GRM7: variants seen among roughly 807,000 people sequenced by gnomAD.
The protein encoded by GRM7 is glutamate metabotropic receptor 7, also known as metabotropic glutamate receptor 7.
GRM7 carries 35 observed loss-of-function variants against 84.5 expected under a neutral mutation model. That is an observed-to-expected ratio of 0.41 (90% CI 0.32 to 0.55). The LOEUF is 0.55. Among genes scored for constraint, GRM7 ranks in the 20% least tolerant of loss-of-function variants. The pLI is 0.19. For missense variants in GRM7, 1,003 were observed against 1,194.6 expected (o/e 0.84, Z 2.36); for synonymous variants, 487 against 455.1 (o/e 1.07, Z -0.89).
chr3:6,903,891 T>C lies in GRM7; in HGVS notation c.519+41984T>C, dbSNP rs369275026. 8.5e-4 allele frequency among the ~76,000 whole-genome samples: 130 copies of C among 152,340 alleles called. 2 individuals carry two copies. The highest frequency in any genetic ancestry group is 2.9e-3 in the African/African-American group (122 of 41,598). On this transcript the variant is annotated intron_variant, in intron 1 of 9. Coordinates refer to ENST00000357716, the MANE Select transcript of GRM7 (RefSeq NM_000844.4). The stretch of plus-strand genomic sequence containing the variant: ...ATGCTAATGAGGTTGAGTCTTCATA[T>C]ACAATATTGCCATTTCTATTTTCCC...
At chr3:7,182,256 G>A (rs13097942) in intron 2 of GRM7, among the ~76,000 whole-genome samples, 42,830 of 151,904 alleles carry the variant, frequency 0.28, 6,432 homozygotes, top group Non-Finnish European at 0.34. Context: ...GTATCCTAAT[G>A]TCTTTTAACC....
intron 6 of GRM7, 44 bp from the exon 7 acceptor site, chr3:7,461,539 T>A: frequency 6.5e-7 from 1 of 1,533,772 alleles, no homozygotes; most frequent in Non-Finnish European, 9.0e-7. Context: ...ATATAAGGAA[T>A]CTTGTTTAAC....
chr3:6,927,469 GAAAGAA>G (rs1559333312), intron 1 of GRM7, among the ~76,000 whole-genome samples: 1,066 of 70,644 alleles, frequency 0.015, 20 homozygotes, highest in South Asian at 0.025. Flanking sequence ...GAGAGAGAAA[GAAAGAA>G]AGAAAGAAAG....
intron 1 of GRM7, among the ~76,000 whole-genome samples, chr3:6,896,266 C>G (rs1248388802): frequency 6.6e-6 from 1 of 152,108 alleles, no homozygotes; most frequent in African/African-American, 2.4e-5. Flanking sequence ...AAAGTTTCTT[C>G]TGGTAAAAAG....
intron 4 of GRM7, among the ~76,000 whole-genome samples, chr3:7,361,250 T>C (rs1693650808): frequency 6.6e-6 from 1 of 152,116 alleles, no homozygotes; most frequent in South Asian, 2.1e-4. Context: ...ATTTTTAACG[T>C]GGAAAGTACC....
At chr3:7,647,154 G>C (rs961043678) in intron 8 of GRM7, among the ~76,000 whole-genome samples, 4 of 152,166 alleles carry the variant, frequency 2.6e-5, no homozygotes, top group Non-Finnish European at 4.4e-5. Flanking sequence ...TGTGGGTGTG[G>C]ACCCTCAGCC....
intron 8 of GRM7, among the ~76,000 whole-genome samples, chr3:7,604,477 CT>C (rs1201842474): frequency 6.6e-6 from 1 of 152,148 alleles, no homozygotes; most frequent in Non-Finnish European, 1.5e-5. Flanking sequence ...AAATTTCTCC[CT>C]TCTCAAGGTT....
At chr3:6,918,755 A>T (rs1205151396) in intron 1 of GRM7, among the ~76,000 whole-genome samples, 1 of 152,116 alleles carries the variant, frequency 6.6e-6, no homozygotes, top group Admixed American at 6.6e-5. Context: ...AAAGGCTCAG[A>T]TAATAGGAGA....
At chr3:7,115,517 C>G (rs942281044) in intron 1 of GRM7, among the ~76,000 whole-genome samples, 2 of 152,126 alleles carry the variant, frequency 1.3e-5, no homozygotes, top group Non-Finnish European at 1.5e-5. Flanking sequence ...GGAATATTGA[C>G]AAGAGCCTTT....
At chr3:6,947,363 T>A (rs1195022085) in intron 1 of GRM7, among the ~76,000 whole-genome samples, 1 of 152,196 alleles carries the variant, frequency 6.6e-6, no homozygotes, top group Non-Finnish European at 1.5e-5. Flanking sequence ...GTTTATTGAT[T>A]TTCATACGTT....
chr3:7,573,112 C>T (rs1315872313), intron 7 of GRM7, among the ~76,000 whole-genome samples: 1 of 151,534 alleles, frequency 6.6e-6, no homozygotes, highest in Non-Finnish European at 1.5e-5. Flanking sequence ...GCTAGCTCCT[C>T]TACCTCACCC....
chr3:7,452,991 TG>T (rs1369978794), intron 6 of GRM7, among the ~76,000 whole-genome samples, 184 bp downstream of exon 6: 1 of 151,594 alleles, frequency 6.6e-6, no homozygotes, highest in Non-Finnish European at 1.5e-5. Flanking sequence ...AAGATATATT[TG>T]GGGGTTATGG....
chr3:7,110,575 A>G (rs1692810917), intron 1 of GRM7, among the ~76,000 whole-genome samples: 1 of 148,152 alleles, frequency 6.7e-6, no homozygotes, highest in Non-Finnish European at 1.5e-5. Flanking sequence ...AACCTGGGCA[A>G]GAGAGCGATA....
chr3:7,690,372 A>G (rs1700754663), intron 9 of GRM7, among the ~76,000 whole-genome samples: 1 of 152,182 alleles, frequency 6.6e-6, no homozygotes. Context: ...AACATTTATA[A>G]GTGAATATTT....
intron 1 of GRM7, among the ~76,000 whole-genome samples, chr3:7,134,122 G>T (rs561165502): frequency 6.6e-6 from 1 of 152,048 alleles, no homozygotes; most frequent in Non-Finnish European, 1.5e-5. Context: ...CATTTTGTAG[G>T]TATTTCATCT....
intron 1 of GRM7, among the ~76,000 whole-genome samples, chr3:6,897,908 G>T (rs942714670): frequency 6.6e-6 from 1 of 152,176 alleles, no homozygotes; most frequent in African/African-American, 2.4e-5. Flanking sequence ...GAGAGTGGGG[G>T]CCTCCCCATA....
At chr3:7,602,080 CAAAAAAAAAA>C (rs562646639) in intron 8 of GRM7, among the ~76,000 whole-genome samples, 3 of 93,798 alleles carry the variant, frequency 3.2e-5, no homozygotes, top group African/African-American at 1.2e-4. Context: ...ATTACCAGGA[CAAAAAAAAAA>C]AAAAAAAAAA....
chr3:7,443,866 G>A (rs1370740115), intron 5 of GRM7, among the ~76,000 whole-genome samples: 1 of 152,138 alleles, frequency 6.6e-6, no homozygotes, highest in Non-Finnish European at 1.5e-5. Context: ...TTTCTACTCT[G>A]AAAATTTATG....
In GRM7 at chr3:7,290,834, C is replaced by G. The variant is rs572183950; in HGVS notation, c.737-7850C>G. 4.4e-4 allele frequency among the ~76,000 whole-genome samples: 67 copies of G among 152,238 alleles called. 1 individual carries two copies. Among genetic ancestry groups the G allele is most frequent in the African/African-American group, 1.6e-3 (66 of 41,542 alleles). The stretch of plus-strand genomic sequence containing the variant: ...TACCTTCTTTCTTTCCTCTCTCTCC[C>G]TTGGCAATCTAGAAAGGGGTATGGA... On this transcript the variant is annotated intron_variant, in intron 2 of 9. Transcript: ENST00000357716.
Sources: gnomAD v4.1 joint callset for allele counts (sites outside exome capture counted in the v4.1 genomes callset) on GRCh38, gnomAD v4.1.1 for gene constraint, MANE v1.5 for transcripts, NCBI Gene and HGNC (gene_info 2026-07-23, HGNC 2026-07-21) for gene names.